The following POLN variants were observed in gnomAD, a reference collection of about 807,000 sequenced individuals.
POLN encodes the protein DNA polymerase nu, also known as DNA polymerase N.
A neutral mutation model predicts 113.5 loss-of-function variants in POLN; 108 were observed. The observed-to-expected ratio is 0.95, with a 90% CI of 0.81 to 1.12. POLN has a LOEUF of 1.12. Ranked by LOEUF, POLN falls within the 50% of genes most tolerant of loss-of-function variation. The pLI is 0.00. For synonymous variants in POLN, 386 were observed against 391.5 expected, an observed-to-expected ratio of 0.99 and a Z score of 0.17; for missense variants, 1,097 against 1,077.1, an observed-to-expected ratio of 1.02 and a Z score of -0.26.
At chr4:2,207,850 T>C (rs1733890685) in intron 5 of POLN, 137 bp downstream of exon 5, 6 of 970,992 alleles carry the variant, frequency 6.2e-6, no homozygotes, top group Non-Finnish European at 8.9e-6. Context: ...GAGCATACAT[T>C]GTCAATCACT....
At chr4:2,228,604 G>A in intron 3 of POLN, 1 of 170,696 alleles carries the variant, frequency 5.9e-6, no homozygotes, top group South Asian at 1.1e-4. Flanking sequence ...CCAAAGTGCT[G>A]GGATTACAGG....
chr4:2,159,335 T>G (rs1732520501), intron 13 of POLN, 124 bp from the exon 14 acceptor site: 1 of 805,770 alleles, frequency 1.2e-6, no homozygotes, highest in Non-Finnish European at 2.0e-6. Flanking sequence ...AAAATAAAGA[T>G]GCATAATAAA....
intron 20 of POLN, 35 bp from the exon 21 acceptor site, chr4:2,085,779 TCA>T (rs780717039): frequency 7.3e-5 from 118 of 1,610,188 alleles, no homozygotes; most frequent in Non-Finnish European, 9.3e-5. Flanking sequence ...AAAGCCTCAC[TCA>T]CACCAGCCGT....
intron 4 of POLN, among the ~76,000 whole-genome samples, chr4:2,211,895 A>C (rs184233699): frequency 1.4e-4 from 21 of 152,252 alleles, no homozygotes; most frequent in South Asian, 4.1e-4. Flanking sequence ...TTCGGGATCC[A>C]AGGAGCACAG....
Position 2,193,289 on chromosome 4 carries a change from A to G in POLN, c.936T>C (p.Cys312=), listed in dbSNP as rs1035719086. 24 of 1,608,030 alleles carry G rather than the reference A, an allele frequency of 1.5e-5. No homozygotes were observed. The highest frequency in any genetic ancestry group is 2.0e-5 in the Non-Finnish European group (23 of 1,176,724). The change falls in exon 7 of 26, where the codon TGT becomes TGC. Residue 312 remains cysteine (C), a synonymous_variant. Coordinates refer to ENST00000511885, the MANE Select transcript of POLN (RefSeq NM_181808.4). ...ARNVLFQTMK[C]KCPVICFNAK... is the part of the protein sequence containing the mutation. ...CATTAAAACAAATAACAGGACATTT[A>G]CATTTCATTGTTTGAAATAGCACGT...
At chr4:2,161,872 A>T (rs1435997779) in intron 13 of POLN, among the ~76,000 whole-genome samples, 1 of 152,144 alleles carries the variant, frequency 6.6e-6, no homozygotes, top group Non-Finnish European at 1.5e-5. Context: ...TGAATGCACC[A>T]ATTGACGCTC....
At chr4:2,232,133 C>A in intron 2 of POLN, 1 of 1,570,574 alleles carries the variant, frequency 6.4e-7, no homozygotes, top group South Asian at 1.2e-5. Flanking sequence ...AGTTGAGATT[C>A]AACTTTATGA....
chr4:2,153,234 A>G (rs1199099762), intron 16 of POLN, among the ~76,000 whole-genome samples: 1 of 152,238 alleles, frequency 6.6e-6, no homozygotes, highest in African/African-American at 2.4e-5. Context: ...ACATGTCTCT[A>G]TGTGTATATG....
At chr4:2,092,470 A>G (rs1730691840) in intron 20 of POLN, among the ~76,000 whole-genome samples, 1 of 152,156 alleles carries the variant, frequency 6.6e-6, no homozygotes, top group Non-Finnish European at 1.5e-5. Flanking sequence ...TGAGCCTGTG[A>G]GCCAGCCTCT....
chr4:2,210,051 C>A (rs1371735597), intron 4 of POLN, among the ~76,000 whole-genome samples: 1 of 149,408 alleles, frequency 6.7e-6, no homozygotes, highest in Non-Finnish European at 1.5e-5. Flanking sequence ...ATTAACATTA[C>A]CTTTAAAATA....
chr4:2,225,679 T>C (rs1159135040), intron 3 of POLN, among the ~76,000 whole-genome samples: 1 of 151,518 alleles, frequency 6.6e-6, no homozygotes, highest in Non-Finnish European at 1.5e-5. Flanking sequence ...CCAAAAATGT[T>C]GTGGAAAAAA....
intron 16 of POLN, chr4:2,156,391 C>G: frequency 3.9e-6 from 1 of 255,212 alleles, no homozygotes; most frequent in Non-Finnish European, 7.4e-6. Context: ...TTTTTTTTTT[C>G]TTCATCAGAG....
At chr4:2,240,221 A>T in intron 2 of POLN, 1 of 1,613,834 alleles carries the variant, frequency 6.2e-7, no homozygotes, top group East Asian at 2.2e-5. Flanking sequence ...GTGTCTGTAT[A>T]TCTAAAAGTT....
chr4:2,161,665 G>A lies in POLN; in HGVS notation c.1555-2454C>T, dbSNP rs189419064. Among the ~76,000 whole-genome samples, 315 of 152,340 alleles carry A rather than the reference G, an allele frequency of 2.1e-3. 1 individual carries two copies. Among genetic ancestry groups the A allele is most frequent in the African/African-American group, 6.9e-3 (287 of 41,576 alleles). ...CTGAGGAGTGCGGGCGCACGGCACC[G>A]GGACTGGCAGGCAGCTTCACCTGTA... On this transcript the variant is annotated intron_variant, in intron 13 of 25. Transcript: ENST00000511885.
intron 16 of POLN, among the ~76,000 whole-genome samples, chr4:2,146,156 A>C (rs545747365): frequency 3.9e-5 from 6 of 152,334 alleles, no homozygotes; most frequent in African/African-American, 1.4e-4. Context: ...GTAGAATAGA[A>C]AAGGGAGCTG....
At chr4:2,134,531 G>C (rs1275353284) in intron 16 of POLN, among the ~76,000 whole-genome samples, 3 of 152,176 alleles carry the variant, frequency 2.0e-5, no homozygotes, top group African/African-American at 7.2e-5. Context: ...TTGTTTGTTT[G>C]TTTGTTTTGC....
rs1054845391 is a variant in POLN at position 2,127,124 on chromosome 4, C to T, written c.1982+989G>A. Among the ~76,000 whole-genome samples, 6 of 111,374 alleles carry T rather than the reference C, an allele frequency of 5.4e-5. No homozygotes were observed. Among genetic ancestry groups the T allele is most frequent in the Admixed American group, 3.0e-4 (3 of 10,070 alleles). The allele number at this position is 111,374 out of a possible 152,430, so 73.1% of individuals were successfully genotyped here. Reference sequence around the variant, plus strand: ...ACAGGTGGCAGGAGATGAGCTGGGACGGAGGGTAGGGAGGGGTGAGGGGGC... The same window carrying T: ...ACAGGTGGCAGGAGATGAGCTGGGATGGAGGGTAGGGAGGGGTGAGGGGGC... On this transcript the variant is annotated intron_variant, in intron 19 of 25. Transcript: ENST00000511885. The surrounding 1 kb of genome is among the most constrained non-coding windows in gnomAD (Gnocchi z 4.7).
At chr4:2,083,865 T>C (rs35319149) in intron 21 of POLN, among the ~76,000 whole-genome samples, 2,751 of 152,294 alleles carry the variant, frequency 0.018, 103 homozygotes, top group African/African-American at 0.062. Flanking sequence ...CTAGCCGAAT[T>C]AAGCTGAAAC....
At chr4:2,239,038 C>T in intron 2 of POLN, 1 of 1,516,720 alleles carries the variant, frequency 6.6e-7, no homozygotes, top group Non-Finnish European at 8.8e-7. Context: ...TTTCTTTGTC[C>T]ACAGCCTATA....
Sources: allele counts gnomAD v4.1 joint callset (sites outside exome capture counted in the v4.1 genomes callset), GRCh38; gene constraint gnomAD v4.1.1; non-coding constraint Gnocchi (gnomAD v3.1); transcripts MANE v1.5; gene names NCBI Gene and HGNC (gene_info 2026-07-23, HGNC 2026-07-21).